ARHGAP10: variants seen among roughly 807,000 people sequenced by gnomAD.
ARHGAP10 encodes rho GTPase-activating protein 10.
ARHGAP10 carries 87 observed loss-of-function variants against 108.6 expected under a neutral mutation model. That is an observed-to-expected ratio of 0.80 (90% CI 0.67 to 0.96). The LOEUF (loss-of-function observed/expected upper bound fraction) is 0.96. Among genes scored for constraint, ARHGAP10 ranks in the 40% least tolerant of loss-of-function variants. The pLI, the probability that ARHGAP10 is intolerant of heterozygous loss-of-function variation, is 0.00. For synonymous variants in ARHGAP10, 347 were observed against 341.1 expected, an observed-to-expected ratio of 1.02 and a Z score of -0.19; for missense variants, 939 against 954.5, an observed-to-expected ratio of 0.98 and a Z score of 0.21.
At chr4:147,933,401 C>T (rs1737783102) in intron 13 of ARHGAP10, among the ~76,000 whole-genome samples, 2 of 152,174 alleles carry the variant, frequency 1.3e-5, no homozygotes. Flanking sequence ...TCCCTGAATG[C>T]TCTCGATGCT....
chr4:147,955,216 A>G, intron 15 of ARHGAP10, 100 bp from the exon 16 acceptor site: 1 of 1,157,856 alleles, frequency 8.6e-7, no homozygotes, highest in Non-Finnish European at 1.3e-6. Context: ...TTACACATTA[A>G]TTAAGAAATG....
At chr4:147,755,714 A>G (rs895551183) in intron 1 of ARHGAP10, among the ~76,000 whole-genome samples, 2 of 152,118 alleles carry the variant, frequency 1.3e-5, no homozygotes, top group South Asian at 2.1e-4. Context: ...TTGCCCTTAT[A>G]TAGTGTAGGT....
At chr4:147,822,633 G>A in intron 1 of ARHGAP10, 94 bp from the exon 2 acceptor site, 1 of 1,260,742 alleles carries the variant, frequency 7.9e-7, no homozygotes, top group Non-Finnish European at 1.1e-6. Flanking sequence ...GCGGAGGAGA[G>A]CTCTACAGCT....
intron 18 of ARHGAP10, among the ~76,000 whole-genome samples, chr4:147,978,250 T>A (rs1739673828): frequency 6.6e-6 from 1 of 152,218 alleles, no homozygotes; most frequent in Admixed American, 6.5e-5. Flanking sequence ...AATGTCCAAC[T>A]GCTTTCCACA....
intron 1 of ARHGAP10, among the ~76,000 whole-genome samples, chr4:147,798,973 T>G (rs1003283012): frequency 6.6e-6 from 1 of 151,796 alleles, no homozygotes; most frequent in African/African-American, 2.4e-5. Flanking sequence ...GTCTTTAGTT[T>G]TCAGAAGACT....
At chr4:147,992,475 T>G (rs532931172) in intron 18 of ARHGAP10, among the ~76,000 whole-genome samples, 1 of 152,308 alleles carries the variant, frequency 6.6e-6, no homozygotes, top group African/African-American at 2.4e-5. Context: ...TGGCGCTATC[T>G]CCGCTTACTG....
intron 20 of ARHGAP10, among the ~76,000 whole-genome samples, chr4:148,054,389 G>T (rs908826706): frequency 6.6e-6 from 1 of 152,200 alleles, no homozygotes; most frequent in Non-Finnish European, 1.5e-5. Flanking sequence ...CCGGGGTGAG[G>T]TTTCCAGATA....
chr4:147,810,150 C>T (rs1258156191), intron 1 of ARHGAP10, among the ~76,000 whole-genome samples: 2 of 152,186 alleles, frequency 1.3e-5, no homozygotes, highest in Admixed American at 6.5e-5. Context: ...CAAGATTCTC[C>T]CTTTTTTCTT....
intron 14 of ARHGAP10, among the ~76,000 whole-genome samples, chr4:147,941,126 A>G (rs1228510620): frequency 6.6e-6 from 1 of 152,194 alleles, no homozygotes; most frequent in East Asian, 1.9e-4. Flanking sequence ...CACTTCTTTC[A>G]TTTCCAAGAT....
intron 12 of ARHGAP10, among the ~76,000 whole-genome samples, chr4:147,911,564 G>C (rs944489091): frequency 6.6e-6 from 1 of 152,078 alleles, no homozygotes; most frequent in East Asian, 1.9e-4. Flanking sequence ...GGGTTTCACC[G>C]TGTTAGCCAG....
intron 1 of ARHGAP10, among the ~76,000 whole-genome samples, chr4:147,797,151 T>A (rs1384121926): frequency 1.3e-5 from 2 of 152,214 alleles, no homozygotes; most frequent in Non-Finnish European, 2.9e-5. Context: ...TTTTCTCTCC[T>A]CTAGTGGCCT....
intron 1 of ARHGAP10, among the ~76,000 whole-genome samples, chr4:147,769,006 G>T (rs575925463): frequency 6.6e-6 from 1 of 152,012 alleles, no homozygotes; most frequent in African/African-American, 2.4e-5. Flanking sequence ...CCAAAGTGCT[G>T]GGATTACAGG....
At chr4:147,745,148 A>G (rs2126683902) in intron 1 of ARHGAP10, among the ~76,000 whole-genome samples, 1 of 152,152 alleles carries the variant, frequency 6.6e-6, no homozygotes, top group South Asian at 2.1e-4. Flanking sequence ...AGCTTGAGTC[A>G]AGGTGACATT....
intron 18 of ARHGAP10, among the ~76,000 whole-genome samples, chr4:147,980,664 A>C (rs971111629): frequency 6.6e-6 from 1 of 152,082 alleles, no homozygotes. Flanking sequence ...CATCTCGTCC[A>C]GGGCTTTTCT....
chr4:147,767,063 CT>C (rs1184858324), intron 1 of ARHGAP10, among the ~76,000 whole-genome samples: 1 of 151,746 alleles, frequency 6.6e-6, no homozygotes, highest in African/African-American at 2.4e-5. Context: ...GTTGGCCAGG[CT>C]GATCTCAAAC....
At chr4:147,809,907 T>C (rs922401362) in intron 1 of ARHGAP10, among the ~76,000 whole-genome samples, 2 of 152,186 alleles carry the variant, frequency 1.3e-5, no homozygotes, top group South Asian at 4.1e-4. Context: ...CAAGGAGATT[T>C]AGGATAACGC....
intron 18 of ARHGAP10, among the ~76,000 whole-genome samples, chr4:147,987,365 C>A (rs1335011148): frequency 6.6e-6 from 1 of 152,166 alleles, no homozygotes; most frequent in Non-Finnish European, 1.5e-5. Context: ...CCTTCTAGAT[C>A]GGCAGGATTG....
chr4:148,027,667 T>C (rs2149666917), intron 19 of ARHGAP10, among the ~76,000 whole-genome samples: 1 of 152,322 alleles, frequency 6.6e-6, no homozygotes, highest in Admixed American at 6.5e-5. Flanking sequence ...CCTTTCAGCC[T>C]GAGTAATATC....
At chr4:147,916,085 T>C (rs1003095640) in intron 13 of ARHGAP10, among the ~76,000 whole-genome samples, 11 of 152,180 alleles carry the variant, frequency 7.2e-5, no homozygotes, top group Admixed American at 1.3e-4. Flanking sequence ...ATGGAAATAG[T>C]TGGTAAATAG....
Sources: allele counts gnomAD v4.1 joint callset (sites outside exome capture counted in the v4.1 genomes callset), GRCh38; gene constraint gnomAD v4.1.1; transcripts MANE v1.5; gene names NCBI Gene and HGNC (gene_info 2026-07-23, HGNC 2026-07-21).